SPG11: variants seen among roughly 807,000 people sequenced by gnomAD.
The protein encoded by SPG11 is SPG11 vesicle trafficking associated, spatacsin.
A neutral mutation model predicts 274.0 loss-of-function variants in SPG11; 222 were observed. That is an observed-to-expected ratio of 0.81 (90% CI 0.73 to 0.91). The LOEUF is 0.91. SPG11 is among the 40% of genes least tolerant of loss of function. The pLI is 0.00. For missense variants in SPG11, 3,114 were observed against 2,872.7 expected (o/e 1.08, Z -1.92); for synonymous variants, 1,144 against 1,039.7 (o/e 1.10, Z -1.93).
intron 4 of SPG11, among the ~76,000 whole-genome samples, chr15:44,655,442 G>A (rs954465305): frequency 2.6e-5 from 4 of 152,178 alleles, no homozygotes; most frequent in Admixed American, 2.6e-4. Flanking sequence ...TGAATTGCCT[G>A]ACATGTACCA....
At chr15:44,633,078 G>A (rs2084118301) in intron 8 of SPG11, among the ~76,000 whole-genome samples, 1 of 151,834 alleles carries the variant, frequency 6.6e-6, no homozygotes, top group Non-Finnish European at 1.5e-5. Context: ...AGGCATGGTG[G>A]CTCACGCCTG....
rs145474933 is a variant in SPG11 at position 44,652,473 on chromosome 15, T to C, written c.870-207A>G. On this transcript the variant is annotated intron_variant, in intron 4 of 39. Coordinates refer to ENST00000261866, the MANE Select transcript of SPG11 (RefSeq NM_025137.4). Reference sequence around the variant, plus strand: ...ACTCTATTAAGGGCAGTTAGCTTGATAAAGCAGTAAGAACACTTACTGTCT... The same window carrying C: ...ACTCTATTAAGGGCAGTTAGCTTGACAAAGCAGTAAGAACACTTACTGTCT... Among the ~76,000 whole-genome samples the C allele has an allele frequency of 8.2e-3, 1,255 of 152,276 alleles. 13 individuals carry two copies. The highest frequency in any genetic ancestry group is 0.029 in the African/African-American group (1,208 of 41,536).
intron 19 of SPG11, 31 bp downstream of exon 19, chr15:44,608,413 G>T (rs976697220): frequency 3.7e-6 from 6 of 1,609,344 alleles, no homozygotes; most frequent in Non-Finnish European, 5.1e-6. Context: ...AACTCTGATA[G>T]ACCTAAATAT....
intron 35 of SPG11, 93 bp downstream of exon 35, chr15:44,569,305 G>GTCTA: frequency 2.1e-6 from 2 of 944,354 alleles, no homozygotes; most frequent in Admixed American, 4.0e-5. Flanking sequence ...TTTCCCAAGA[G>GTCTA]TCTACCCTGA....
At chr15:44,652,064 A>G in intron 5 of SPG11, 65 bp downstream of exon 5, 2 of 1,598,768 alleles carry the variant, frequency 1.3e-6, no homozygotes, top group South Asian at 1.1e-5. Flanking sequence ...CTTTAATGAA[A>G]GGGTACAGCG....
At chr15:44,571,140 G>A (rs2082415060) in intron 33 of SPG11, among the ~76,000 whole-genome samples, 1 of 151,954 alleles carries the variant, frequency 6.6e-6, no homozygotes, top group African/African-American at 2.4e-5. Flanking sequence ...ACAATGAAAA[G>A]GCAAACTGGG....
At position 44,591,847 on chromosome 15, in the gene SPG11, C is replaced by T. The variant is rs372050540; in HGVS notation, c.4743+484G>A. Reference sequence around the variant, plus strand: ...AAAAATGATCGGGTGCAGTGGCTTACGCCTGTAATCCCAGCACTTCAGGAG... The same window carrying T: ...AAAAATGATCGGGTGCAGTGGCTTATGCCTGTAATCCCAGCACTTCAGGAG... On this transcript the variant is annotated intron_variant, in intron 27 of 39. Coordinates refer to ENST00000261866, the MANE Select transcript of SPG11 (RefSeq NM_025137.4). 3.9e-5 allele frequency among the ~76,000 whole-genome samples: 6 copies of T among 152,036 alleles called. No individual in the cohort carries two copies. The East Asian group carries it at 5.8e-4, about 15-fold the overall frequency.
intron 20 of SPG11, among the ~76,000 whole-genome samples, chr15:44,601,740 G>A (rs2083195669): frequency 6.7e-6 from 1 of 150,062 alleles, no homozygotes; most frequent in Non-Finnish European, 1.5e-5. Flanking sequence ...TGTACTTACA[G>A]TAGAGACGGG....
chr15:44,596,421 T>TA (rs1216292352), intron 24 of SPG11, 66 bp from the exon 25 acceptor site: 10 of 1,573,236 alleles, frequency 6.4e-6, no homozygotes, highest in African/African-American at 5.4e-5. Context: ...CTGAAAATGT[T>TA]AGAGAAAAGC....
chr15:44,651,411 G>T, intron 6 of SPG11, 80 bp downstream of exon 6: 1 of 1,227,654 alleles, frequency 8.1e-7, no homozygotes, highest in Non-Finnish European at 1.2e-6. Flanking sequence ...GGCAAGAGCA[G>T]GCACTGAGGC....
At chr15:44,652,104 C>T (rs1408345136) in intron 5 of SPG11, 25 bp downstream of exon 5, 1 of 1,613,684 alleles carries the variant, frequency 6.2e-7, no homozygotes, top group South Asian at 1.1e-5. Context: ...GAACAATAAA[C>T]TACATGAAAA....
At chr15:44,619,716 A>G (rs1030798589) in intron 15 of SPG11, among the ~76,000 whole-genome samples, 2 of 150,554 alleles carry the variant, frequency 1.3e-5, no homozygotes, top group African/African-American at 4.9e-5. Context: ...TATTAAATGC[A>G]TATGATTTTT....
intron 32 of SPG11, chr15:44,573,238 GC>G (rs951634470): frequency 5.5e-6 from 3 of 544,378 alleles, no homozygotes; most frequent in South Asian, 2.1e-5. Flanking sequence ...GCCAGCCTTG[GC>G]CTCCCAAAGT....
chr15:44,653,482 T>C (rs2084846020), intron 4 of SPG11, among the ~76,000 whole-genome samples: 1 of 152,180 alleles, frequency 6.6e-6, no homozygotes, highest in South Asian at 2.1e-4. Flanking sequence ...AATGACTGGC[T>C]ACACCTCTGA....
chr15:44,619,971 C>A (rs564631647), intron 15 of SPG11, among the ~76,000 whole-genome samples: 1 of 152,240 alleles, frequency 6.6e-6, no homozygotes, highest in African/African-American at 2.4e-5. Flanking sequence ...CCGCCTTGGC[C>A]TCCCAAAGTG....
intron 26 of SPG11, 77 bp downstream of exon 26, chr15:44,595,181 GA>G: frequency 7.0e-7 from 1 of 1,427,170 alleles, no homozygotes; most frequent in Non-Finnish European, 9.8e-7. Flanking sequence ...TCCAGGGATG[GA>G]AATAAGAAAA....
chr15:44,611,111 A>AT (rs1383400828), intron 17 of SPG11, 126 bp from the exon 18 acceptor site: 1 of 835,178 alleles, frequency 1.2e-6, no homozygotes, highest in African/African-American at 1.8e-5. Context: ...AAAAAAAAAA[A>AT]AAAAAGGACT....
At chr15:44,661,028 G>A (rs896077067) in intron 1 of SPG11, among the ~76,000 whole-genome samples, 1 of 152,142 alleles carries the variant, frequency 6.6e-6, no homozygotes, top group Non-Finnish European at 1.5e-5. Context: ...ACTTTTAAAA[G>A]AAAGTGATTA....
At chr15:44,584,587 C>T (rs775628497) in intron 29 of SPG11, 29 bp from the exon 30 acceptor site, 1 of 1,601,780 alleles carries the variant, frequency 6.2e-7, no homozygotes. Flanking sequence ...CAGATTTTAG[C>T]CTTTCTTGGA....
Sources: allele counts gnomAD v4.1 joint callset (sites outside exome capture counted in the v4.1 genomes callset), GRCh38; gene constraint gnomAD v4.1.1; transcripts MANE v1.5; gene names NCBI Gene and HGNC (gene_info 2026-07-23, HGNC 2026-07-21).